Variants in STAT5B observed in about 807,000 individuals in gnomAD.
The protein encoded by STAT5B is signal transducer and activator of transcription 5B.
In STAT5B, 21 loss-of-function variants were observed where a neutral mutation model predicts 107.8. The ratio of observed to expected loss-of-function variants is 0.19; its 90% CI spans 0.14 to 0.28. STAT5B has a LOEUF of 0.28. Among genes scored for constraint, STAT5B ranks in the 10% least tolerant of loss-of-function variants. The probability of loss-of-function intolerance (pLI) is 1.00; values close to 1 mark genes in which losing one functional copy is unlikely to be tolerated. For missense variants in STAT5B, 565 were observed against 1,008.2 expected (o/e 0.56, Z 5.95); for synonymous variants, 325 against 401.7 (o/e 0.81, Z 2.28).
At chr17:42,251,869 C>T (rs950625113) in intron 1 of STAT5B, among the ~76,000 whole-genome samples, 8 of 151,606 alleles carry the variant, frequency 5.3e-5, no homozygotes, top group Non-Finnish European at 7.4e-5. Flanking sequence ...CGTGGTGATG[C>T]GTGCCTGTAA....
intron 1 of STAT5B, among the ~76,000 whole-genome samples, chr17:42,274,019 CCA>C (rs1243522130): frequency 2.0e-5 from 3 of 152,012 alleles, no homozygotes; most frequent in Non-Finnish European, 4.4e-5. Context: ...TTGTAACACT[CCA>C]AACGATGATA....
chr17:42,210,050 T>G, intron 15 of STAT5B, 121 bp downstream of exon 15: 4 of 1,452,952 alleles, frequency 2.8e-6, no homozygotes, highest in East Asian at 4.7e-5. Flanking sequence ...TGGCTATACA[T>G]TTATGTTTCC....
At position 42,218,524 on chromosome 17, in the gene STAT5B, C is replaced by T. The variant is rs371078954; in HGVS notation, c.990-194G>A. On this transcript the variant is annotated intron_variant, in intron 8 of 18. Coordinates refer to ENST00000293328, the MANE Select transcript of STAT5B (RefSeq NM_012448.4). Reference sequence around the variant, plus strand: ...AGAGGGGAGTGAGATAACACAGAAGCTGGCATGGGCTGCAGCCCAAGGGCA... The same window carrying T: ...AGAGGGGAGTGAGATAACACAGAAGTTGGCATGGGCTGCAGCCCAAGGGCA... Among the ~76,000 whole-genome samples the T allele has an allele frequency of 2.0e-3, 303 of 152,278 alleles. 2 individuals carry two copies. The highest frequency in any genetic ancestry group is 6.4e-3 in the African/African-American group (266 of 41,548).
At chr17:42,262,559 A>T (rs2080607922) in intron 1 of STAT5B, among the ~76,000 whole-genome samples, 1 of 151,988 alleles carries the variant, frequency 6.6e-6, no homozygotes, top group African/African-American at 2.4e-5. Context: ...AGAAGTCATT[A>T]AGTGTGACTA....
chr17:42,281,143 A>C (rs2080794090), upstream of STAT5B, among the ~76,000 whole-genome samples: 1 of 151,936 alleles, frequency 6.6e-6, no homozygotes, highest in African/African-American at 2.4e-5. Flanking sequence ...CAAAAAAAAA[A>C]AACAAAAACA....
chr17:42,209,127 C>T (rs2080109020), intron 15 of STAT5B, among the ~76,000 whole-genome samples: 1 of 151,786 alleles, frequency 6.6e-6, no homozygotes, highest in African/African-American at 2.4e-5. Flanking sequence ...CTTGAACTCC[C>T]AGGGTCAAGT....
intron 1 of STAT5B, among the ~76,000 whole-genome samples, chr17:42,244,729 T>C (rs964534024): frequency 6.6e-6 from 1 of 152,140 alleles, no homozygotes; most frequent in Admixed American, 6.5e-5. Context: ...TTCAGGCCAA[T>C]TCCCAGGGAT....
At chr17:42,225,180 G>A (rs542981929) in intron 3 of STAT5B, among the ~76,000 whole-genome samples, 6 of 151,866 alleles carry the variant, frequency 4.0e-5, no homozygotes, top group Non-Finnish European at 8.8e-5. Flanking sequence ...TTAGCCCCCC[G>A]AGTAGCTGGG....
intron 1 of STAT5B, among the ~76,000 whole-genome samples, chr17:42,251,998 C>CAAAAAAAA (rs78151719): frequency 1.4e-5 from 1 of 69,412 alleles, no homozygotes; most frequent in Non-Finnish European, 3.3e-5. Context: ...GGCTCCGTCT[C>CAAAAAAAA]AAAAAAAAAA....
chr17:42,224,486 T>C (rs1038960566), intron 4 of STAT5B, among the ~76,000 whole-genome samples: 1 of 151,920 alleles, frequency 6.6e-6, no homozygotes, highest in African/African-American at 2.4e-5. Context: ...ACTACAGGCA[T>C]ATGCCACCAT....
chr17:42,272,150 G>C (rs539129282), intron 1 of STAT5B: 64 of 152,308 alleles, frequency 4.2e-4, no homozygotes, highest in South Asian at 1.2e-3. Flanking sequence ...TATATTAAAA[G>C]TGACCTATCA....
At chr17:42,204,407 A>G (rs1042047241) in intron 16 of STAT5B, among the ~76,000 whole-genome samples, 2 of 152,216 alleles carry the variant, frequency 1.3e-5, no homozygotes, top group East Asian at 1.9e-4. Context: ...CGATCACACT[A>G]TGATTATAGG....
chr17:42,263,871 G>GCACACACACACACA (rs3222522), intron 1 of STAT5B, among the ~76,000 whole-genome samples: 21 of 145,030 alleles, frequency 1.4e-4, no homozygotes, highest in South Asian at 8.9e-4. Flanking sequence ...TAGAAAGCGC[G>GCACACACACACACA]CACACACACA....
At chr17:42,279,578 G>A (rs1328289293), upstream of STAT5B, among the ~76,000 whole-genome samples, 8 of 152,086 alleles carry the variant, frequency 5.3e-5, no homozygotes, top group African/African-American at 1.4e-4. Context: ...ACCCGAGATC[G>A]GGAGTTCGAG....
intron 18 of STAT5B, 91 bp downstream of exon 18, chr17:42,202,249 T>C (rs896307409): frequency 8.7e-5 from 128 of 1,476,564 alleles, no homozygotes; most frequent in Non-Finnish European, 1.1e-4. Flanking sequence ...AGAGGAGCTC[T>C]GGATTCCTTT....
At chr17:42,265,374 C>CTTTTTTTTTTTTTTTTTTTTTTTT (rs1275073687) in intron 1 of STAT5B, among the ~76,000 whole-genome samples, 3 of 99,228 alleles carry the variant, frequency 3.0e-5, no homozygotes, top group African/African-American at 1.0e-4. Context: ...GGTATGTACT[C>CTTTTTTTTTTTTTTTTTTTTTTTT]TTCTTTTTTT....
chr17:42,220,734 T>G (rs1318319306), intron 5 of STAT5B, among the ~76,000 whole-genome samples: 2 of 152,140 alleles, frequency 1.3e-5, no homozygotes, highest in African/African-American at 4.8e-5. Flanking sequence ...CCACACCATC[T>G]GTGAGGAGTC....
chr17:42,278,951 C>A (rs2080783909), upstream of STAT5B, among the ~76,000 whole-genome samples: 1 of 151,760 alleles, frequency 6.6e-6, no homozygotes, highest in Non-Finnish European at 1.5e-5. Flanking sequence ...TGCACTCCAG[C>A]CTGGGGCGAC....
intron 5 of STAT5B, among the ~76,000 whole-genome samples, chr17:42,221,038 G>A (rs927283534): frequency 2.0e-5 from 3 of 151,942 alleles, no homozygotes; most frequent in Non-Finnish European, 2.9e-5. Context: ...TGTCTTGGTC[G>A]AGCTCCTGGC....
Sources: gnomAD v4.1 joint callset for allele counts (sites outside exome capture counted in the v4.1 genomes callset) on GRCh38, gnomAD v4.1.1 for gene constraint, MANE v1.5 for transcripts, NCBI Gene and HGNC (gene_info 2026-07-23, HGNC 2026-07-21) for gene names.